PECR: variants seen among roughly 807,000 people sequenced by gnomAD.
The protein encoded by PECR is peroxisomal trans-2-enoyl-CoA reductase.
PECR carries 30 observed loss-of-function variants against 35.3 expected under a neutral mutation model. That is an observed-to-expected ratio of 0.85 (90% confidence interval 0.64 to 1.15). The LOEUF (loss-of-function observed/expected upper bound fraction) is 1.15. Ranked by LOEUF, PECR falls within the 50% of genes most tolerant of loss-of-function variation. The pLI is 0.00. For missense variants in PECR, 392 were observed against 370.8 expected (o/e 1.06, Z -0.47); for synonymous variants, 148 against 138.9 (o/e 1.07, Z -0.46).
rs1694890739 is a variant in PECR at position 216,041,787 on chromosome 2, A to G, written c.826+2117T>C. On this transcript the variant is annotated intron_variant, in intron 7 of 7. Transcript: ENST00000265322. The stretch of plus-strand genomic sequence containing the variant: ...TCACCAGTGGCTGATGGTTTAATCA[A>G]CCATGCCTATGTAATGAAGCCTCCA... Among the ~76,000 whole-genome samples the G allele has an allele frequency of 2.0e-5, 3 of 152,158 alleles. No individual in the cohort carries two copies. The South Asian group carries it at 6.2e-4, about 32-fold the overall frequency.
At chr2:216,057,078 A>G (rs1414144425) in intron 4 of PECR, among the ~76,000 whole-genome samples, 1 of 152,186 alleles carries the variant, frequency 6.6e-6, no homozygotes, top group African/African-American at 2.4e-5. Flanking sequence ...TGCATGAAAG[A>G]GGACACATTT....
At chr2:216,030,735 T>A (rs1245535495) in intron 7 of PECR, among the ~76,000 whole-genome samples, 1 of 150,736 alleles carries the variant, frequency 6.6e-6, no homozygotes. Flanking sequence ...CTTTCTTTTT[T>A]TTTTTTTAGT....
At chr2:216,031,933 G>C (rs1027502619) in intron 7 of PECR, among the ~76,000 whole-genome samples, 5 of 152,088 alleles carry the variant, frequency 3.3e-5, no homozygotes, top group Admixed American at 6.6e-5. Context: ...CCGTATTTTT[G>C]TATTTCTTAA....
At chr2:216,054,333 T>C (rs576413782) in intron 4 of PECR, among the ~76,000 whole-genome samples, 68 of 147,260 alleles carry the variant, frequency 4.6e-4, no homozygotes, top group South Asian at 1.7e-3. Flanking sequence ...ATAACTGAGA[T>C]AGTAGGTTAA....
chr2:216,077,318 A>G (rs1264850639), intron 1 of PECR, among the ~76,000 whole-genome samples: 1 of 81,408 alleles, frequency 1.2e-5, no homozygotes, highest in Non-Finnish European at 2.4e-5. Context: ...CATCCTGGCT[A>G]ACACGGTGAA....
intron 7 of PECR, among the ~76,000 whole-genome samples, chr2:216,039,994 T>C (rs1694859297): frequency 1.3e-5 from 2 of 152,090 alleles, no homozygotes; most frequent in South Asian, 4.1e-4. Context: ...GCCCTCTCTC[T>C]GTGCATCTGG....
intron 3 of PECR, among the ~76,000 whole-genome samples, chr2:216,060,549 C>T (rs1283680086): frequency 6.6e-6 from 1 of 152,130 alleles, no homozygotes; most frequent in South Asian, 2.1e-4. Context: ...ATAGTAGCAG[C>T]TGCTCGGTAG....
At chr2:216,044,293 G>C (rs956481503) in intron 6 of PECR, among the ~76,000 whole-genome samples, 1 of 152,164 alleles carries the variant, frequency 6.6e-6, no homozygotes, top group African/African-American at 2.4e-5. Context: ...ATGACGTCAA[G>C]AAGCCATAAG....
At chr2:216,049,198 A>G in intron 6 of PECR, 65 bp downstream of exon 6, 2 of 831,828 alleles carry the variant, frequency 2.4e-6, no homozygotes, top group Non-Finnish European at 4.3e-6. Flanking sequence ...TAAAAATGAC[A>G]CTGAATTACA....
At position 216,065,480 on chromosome 2, in the gene PECR, A is replaced by G; in HGVS notation, c.259-3T>C. 1 of 1,569,712 alleles carries G rather than the reference A, an allele frequency of 6.4e-7. No homozygotes were observed. The highest frequency in any genetic ancestry group is 8.8e-7 in the Non-Finnish European group (1 of 1,139,594). On this transcript the variant is annotated splice_region_variant and splice_polypyrimidine_tract_variant and intron_variant, in intron 2 of 7. Transcript: ENST00000265322. Reference sequence around the variant, plus strand: ...GTAGATTTGACCAAATTATTCACCTAAAGAAGAACAGTAGAAGTTACTAAA... The same window carrying G: ...GTAGATTTGACCAAATTATTCACCTGAAGAAGAACAGTAGAAGTTACTAAA...
chr2:216,040,653 G>A (rs1694871509), intron 7 of PECR, among the ~76,000 whole-genome samples: 1 of 152,186 alleles, frequency 6.6e-6, no homozygotes, highest in Non-Finnish European at 1.5e-5. Context: ...CGGATCACCT[G>A]AGGTCAGGAG....
intron 7 of PECR, among the ~76,000 whole-genome samples, chr2:216,033,361 C>T (rs1237343930): frequency 6.6e-6 from 1 of 152,098 alleles, no homozygotes; most frequent in Admixed American, 6.6e-5. Context: ...ACAAATTCCT[C>T]CGCTGTCTCA....
At chr2:216,062,389 A>G (rs1456052442) in intron 3 of PECR, among the ~76,000 whole-genome samples, 2 of 152,178 alleles carry the variant, frequency 1.3e-5, no homozygotes, top group Admixed American at 6.5e-5. Context: ...AATCCATTGT[A>G]TTATTTCTTC....
chr2:216,044,852 C>A, intron 6 of PECR, among the ~76,000 whole-genome samples: 1 of 152,140 alleles, frequency 6.6e-6, no homozygotes, highest in Non-Finnish European at 1.5e-5. Context: ...TCACTTGAGG[C>A]TGTGGGAAGA....
At chr2:216,045,011 C>T (rs183044380) in intron 6 of PECR, among the ~76,000 whole-genome samples, 40 of 152,244 alleles carry the variant, frequency 2.6e-4, no homozygotes, top group African/African-American at 8.2e-4. Context: ...GTTTAAAAGG[C>T]CCCCAGGCAG....
At position 216,058,925 on chromosome 2, in the gene PECR, A is replaced by G. The variant is rs768061100; in HGVS notation, c.476T>C (p.Val159Ala). Residue 159 changes from valine (V) to alanine (A), a missense_variant, in exon 4 of 8, where the codon GTC (valine) becomes GCC (alanine). By Grantham distance (64) the Val-to-Ala change is moderately conservative (BLOSUM62 0). Coordinates refer to ENST00000265322, the MANE Select transcript of PECR (RefSeq NM_018441.6). ...TAATGGAAATCCAGCTTTAGTAGGG[A>G]CAATGATATTGACGATAGATCCTCC... is the stretch of plus-strand genomic sequence containing the variant. ...EHGGSIVNII[V>A]PTKAGFPLAV... The G allele has an allele frequency of 6.2e-7, 1 of 1,608,230 alleles. No homozygotes were observed. Among genetic ancestry groups the G allele is most frequent in the South Asian group, 1.1e-5 (1 of 90,938 alleles).
At chr2:216,075,272 A>G (rs1326443459) in intron 1 of PECR, among the ~76,000 whole-genome samples, 1 of 152,200 alleles carries the variant, frequency 6.6e-6, no homozygotes, top group Non-Finnish European at 1.5e-5. Flanking sequence ...GTCTCTAAAA[A>G]ACAAAACAAA....
rs1559207624 is a variant in PECR at position 216,042,927 on chromosome 2, T to TTATATATATACATACGTATATGTGTATA, written c.826+949_826+976dup. Reference sequence around the variant, plus strand: ...GCCCGCCACCACACCCGACTAACTGTTATATATATACATACGTATATGTGT... The same window carrying TTATATATATACATACGTATATGTGTATA: ...GCCCGCCACCACACCCGACTAACTGTTATATATATACATACGTATATGTGTATATATATATATACATACGTATATGTGT... On this transcript the variant is annotated intron_variant, in intron 7 of 7. Transcript: ENST00000265322. Among the ~76,000 whole-genome samples the TTATATATATACATACGTATATGTGTATA allele has an allele frequency of 1.6e-4, 23 of 143,432 alleles. 1 individual carries two copies. Among genetic ancestry groups the TTATATATATACATACGTATATGTGTATA allele is most frequent in the African/African-American group, 5.2e-4 (20 of 38,718 alleles). 94.1% of individuals were successfully genotyped at this position (143,432 alleles called of 152,430 possible).
chr2:216,038,371 T>C (rs1299009981), downstream of PECR: 2 of 152,114 alleles, frequency 1.3e-5, no homozygotes, highest in African/African-American at 4.8e-5. Context: ...AAGACACAAA[T>C]CAGGCACTGC....
Sources: gnomAD v4.1 joint callset for allele counts (sites outside exome capture counted in the v4.1 genomes callset) on GRCh38, gnomAD v4.1.1 for gene constraint, MANE v1.5 for transcripts, NCBI Gene and HGNC (gene_info 2026-07-23, HGNC 2026-07-21) for gene names.